MPPE1: variants seen among roughly 807,000 people sequenced by gnomAD.
MPPE1 encodes the protein metallophosphoesterase 1.
A neutral mutation model predicts 43.8 loss-of-function variants in MPPE1; 28 were observed. That is an observed-to-expected ratio of 0.64 (90% CI 0.47 to 0.88). The LOEUF is 0.88. MPPE1 is among the 40% of genes least tolerant of loss of function. MPPE1 has a pLI of 0.00. For missense variants in MPPE1, 428 were observed against 492.2 expected, an observed-to-expected ratio of 0.87 and a Z score of 1.23; for synonymous variants, 159 against 188.5, an observed-to-expected ratio of 0.84 and a Z score of 1.28.
chr18:11,889,710 A>G (rs2037746434), intron 4 of MPPE1, among the ~76,000 whole-genome samples: 1 of 151,270 alleles, frequency 6.6e-6, no homozygotes, highest in Admixed American at 6.6e-5. Context: ...TTACAGGCAC[A>G]TGCCACCATG....
intron 2 of MPPE1, among the ~76,000 whole-genome samples, chr18:11,900,018 C>T (rs546900272): frequency 3.3e-5 from 5 of 152,112 alleles, no homozygotes; most frequent in Admixed American, 6.6e-5. Context: ...TCGAGACCAG[C>T]CTGGCCCACA....
chr18:11,895,572 T>C (rs2038508006), intron 3 of MPPE1, among the ~76,000 whole-genome samples: 3 of 151,784 alleles, frequency 2.0e-5, no homozygotes, highest in African/African-American at 7.3e-5. Flanking sequence ...AGGCTCTTGC[T>C]CTGTCGCCCA....
intron 3 of MPPE1, among the ~76,000 whole-genome samples, chr18:11,894,327 C>A (rs1466923364): frequency 2.7e-5 from 4 of 150,146 alleles, no homozygotes; most frequent in African/African-American, 7.3e-5. Flanking sequence ...ACTTGGGAGG[C>A]TGAGGCAGGA....
In MPPE1 at chr18:11,887,005, A is replaced by T. The variant is rs144187139; in HGVS notation, c.590T>A (p.Val197Glu). The part of the protein sequence containing the change: ...KGINFVMVNS[V>E]ALNGDGCGIC... The stretch of plus-strand genomic sequence containing the variant: ...GCCACAGCCATCCCCGTTCAGCGCC[A>T]CGCTGTTGACCATCACAAAGCTGAA... Residue 197 changes from valine (V) to glutamate (E), a missense_variant, in exon 7 of 11, where the codon GTG becomes GAG. Physicochemically the swap from Val to Glu is moderately radical, Grantham distance 121 (BLOSUM62 -2). Coordinates refer to ENST00000588072, the MANE Select transcript of MPPE1 (RefSeq NM_023075.6). The T allele has an allele frequency of 3.6e-5, 58 of 1,613,320 alleles. No homozygotes were observed. The highest frequency in any genetic ancestry group is 4.7e-5 in the Non-Finnish European group (55 of 1,179,496).
Position 11,907,982 on chromosome 18 carries a change from A to T in MPPE1, c.-200+219T>A, listed in dbSNP as rs539940633. 24 of 152,068 alleles carry T rather than the reference A, an allele frequency of 1.6e-4. 1 individual carries two copies. In the South Asian group the frequency reaches 4.8e-3, roughly 30 times the overall value. 9.4% of individuals were successfully genotyped at this position (152,068 alleles called of 1,614,324 possible). A position where few individuals can be genotyped will look rare whatever the true frequency, so the allele number is the denominator to read the frequency against. On this transcript the variant is annotated intron_variant, in intron 1 of 10. Transcript: ENST00000588072. ...TTGCATTTGAAATTTTCCACCTTAA[A>T]CGGTATTTTTTGATAAGATGGATTT...
At chr18:11,885,611 G>T in intron 10 of MPPE1, 65 bp downstream of exon 10, 1 of 1,548,418 alleles carries the variant, frequency 6.5e-7, no homozygotes, top group Non-Finnish European at 8.8e-7. Flanking sequence ...CAATTAAATA[G>T]TTGATTACTG....
intron 2 of MPPE1, among the ~76,000 whole-genome samples, chr18:11,904,315 A>AT (rs762811699): frequency 0.11 from 9,444 of 86,656 alleles, 458 homozygotes; most frequent in South Asian, 0.25. Flanking sequence ...TTTTTTATTT[A>AT]TTTATTTATT....
chr18:11,886,481 C>G lies in MPPE1; in HGVS notation c.867+18G>C. 6.2e-7 allele frequency: 1 copy of G among 1,614,136 alleles called. No homozygotes were observed. The highest frequency in any genetic ancestry group is 1.1e-5 in the South Asian group (1 of 91,078). On this transcript the variant is annotated intron_variant, in intron 9 of 10. Coordinates refer to ENST00000588072, the MANE Select transcript of MPPE1 (RefSeq NM_023075.6). This position sits in a 1 kb window ranked among gnomAD's most constrained non-coding sequence, Gnocchi z 4.1. ...GTCACACTGTGACATGAATTAGCAT[C>G]ACGACACCCTGGCAAACCTTTTGTG...
rs1009754506 is a variant in MPPE1 at position 11,883,761 on chromosome 18, A to C, written c.*684T>G. 1 of 151,946 alleles carries C rather than the reference A, an allele frequency of 6.6e-6. No individual in the cohort carries two copies. The highest frequency in any genetic ancestry group is 2.4e-5 in the African/African-American group (1 of 41,314). 9.4% of individuals were successfully genotyped at this position (151,946 alleles called of 1,614,324 possible). On this transcript the variant is annotated 3_prime_UTR_variant, in exon 11 of 11. Transcript: ENST00000588072. ...GCCCAGGCTGGAGTGCAGTGGCATG[A>C]TCTTGGCTCACTGCAACCTCCGCCT...
At chr18:11,894,894 C>T (rs111814504) in intron 3 of MPPE1, among the ~76,000 whole-genome samples, 8 of 152,168 alleles carry the variant, frequency 5.3e-5, no homozygotes, top group African/African-American at 9.6e-5. Context: ...CCCGGCCGGC[C>T]GGTAAATGGG....
At chr18:11,898,058 GTTTGT>G (rs142163769) in intron 2 of MPPE1, among the ~76,000 whole-genome samples, 39,777 of 151,220 alleles carry the variant, frequency 0.26, 7,765 homozygotes, top group African/African-American at 0.55. Context: ...GTTTTTGTTT[GTTTGT>G]TTTGTTTTGT....
intron 3 of MPPE1, among the ~76,000 whole-genome samples, chr18:11,894,769 T>C (rs945396031): frequency 1.6e-4 from 25 of 151,874 alleles, no homozygotes; most frequent in Non-Finnish European, 3.1e-4. Context: ...TTTGTATATT[T>C]AGTAGAGACG....
In MPPE1 at chr18:11,890,100, G is replaced by T. The variant is rs184820220; in HGVS notation, c.391-610C>A. 3.0e-3 allele frequency among the ~76,000 whole-genome samples: 447 copies of T among 150,616 alleles called. 7 individuals carry two copies. In the East Asian group the frequency reaches 0.076, roughly 26 times the overall value. ...TGGAACTACAGGCGCCCGCCACCACGCCCGACTAATTTTTTGTATTTTTAG... is the reference window on the plus strand; with the variant it reads ...TGGAACTACAGGCGCCCGCCACCACTCCCGACTAATTTTTTGTATTTTTAG... On this transcript the variant is annotated intron_variant, in intron 4 of 10. Transcript: ENST00000588072.
intron 3 of MPPE1, among the ~76,000 whole-genome samples, chr18:11,893,901 CA>C (rs2038281757): frequency 6.6e-6 from 1 of 152,164 alleles, no homozygotes; most frequent in South Asian, 2.1e-4. Context: ...ATGCAGCTTC[CA>C]AAGATGCTCA....
chr18:11,895,221 G>A (rs1236847966), intron 3 of MPPE1: 1 of 152,384 alleles, frequency 6.6e-6, no homozygotes, highest in Non-Finnish European at 1.5e-5. Flanking sequence ...AAGGAGGGAG[G>A]ATCACTTGAG....
chr18:11,893,371 A>C lies in MPPE1; in HGVS notation c.390+97T>G, dbSNP rs1325826453. ...TCAGTAGTAAGTACAACTTCCATAA[A>C]ATCTCCAGCTCAAGCTGACACTGAT... On this transcript the variant is annotated intron_variant, in intron 4 of 10. Coordinates refer to ENST00000588072, the MANE Select transcript of MPPE1 (RefSeq NM_023075.6). The C allele has an allele frequency of 5.0e-6, 4 of 806,900 alleles. No homozygotes were observed. The Admixed American group carries it at 9.3e-5, about 19-fold the overall frequency. The allele number at this position is 806,900 out of a possible 1,614,324, so 50.0% of individuals were successfully genotyped here. A position where few individuals can be genotyped will look rare whatever the true frequency, so the allele number is the denominator to read the frequency against.
At chr18:11,887,074 T>G in intron 6 of MPPE1, 49 bp from the exon 7 acceptor site, 1 of 1,370,282 alleles carries the variant, frequency 7.3e-7, no homozygotes. Context: ...ATCAGTGCTT[T>G]CTTTTCCCTA....
At chr18:11,887,916 G>A (rs2037521453) in intron 6 of MPPE1, among the ~76,000 whole-genome samples, 1 of 152,196 alleles carries the variant, frequency 6.6e-6, no homozygotes. Context: ...AGCATTGGTG[G>A]TGAAGCCACT....
chr18:11,884,882 T>C (rs45448494), intron 10 of MPPE1: 20,046 of 1,330,938 alleles, frequency 0.015, 428 homozygotes, highest in African/African-American at 0.092. Context: ...CACTGACCTG[T>C]CAAAACTGGC....
Sources: gnomAD v4.1 joint callset for allele counts (sites outside exome capture counted in the v4.1 genomes callset) on GRCh38, gnomAD v4.1.1 for gene constraint, Gnocchi (gnomAD v3.1) non-coding constraint, MANE v1.5 for transcripts, NCBI Gene and HGNC (gene_info 2026-07-23, HGNC 2026-07-21) for gene names.